KCNH8: variants seen among roughly 807,000 people sequenced by gnomAD.
The protein encoded by KCNH8 is voltage-gated delayed rectifier potassium channel KCNH8.
KCNH8 carries 70 observed loss-of-function variants against 103.6 expected under a neutral mutation model. That is an observed-to-expected ratio of 0.68 (90% CI 0.56 to 0.82). The LOEUF is 0.82. KCNH8 is among the 40% of genes least tolerant of loss of function. The probability of loss-of-function intolerance (pLI) is 0.00; values close to 1 mark genes in which losing one functional copy is unlikely to be tolerated. For synonymous variants in KCNH8, 498 were observed against 489.4 expected (o/e 1.02, Z -0.23); for missense variants, 1,217 against 1,329.9 (o/e 0.92, Z 1.32).
At chr3:19,390,387 CCCTT>C in intron 5 of KCNH8, 90 bp from the exon 6 acceptor site, 1 of 914,316 alleles carries the variant, frequency 1.1e-6, no homozygotes, top group Non-Finnish European at 1.7e-6. Flanking sequence ...CTGCCTGTCT[CCCTT>C]CCTTTCTTCT....
intron 1 of KCNH8, among the ~76,000 whole-genome samples, chr3:19,169,540 C>G (rs115532346): frequency 0.01 from 1,553 of 152,276 alleles, 27 homozygotes; most frequent in African/African-American, 0.035. Flanking sequence ...GCCACCGCGC[C>G]CAGCCTAGCC....
intron 7 of KCNH8, among the ~76,000 whole-genome samples, chr3:19,427,983 T>A (rs2067054588): frequency 6.6e-6 from 1 of 152,164 alleles, no homozygotes; most frequent in South Asian, 2.1e-4. Flanking sequence ...TATCAAAACC[T>A]TGACTAACAA....
intron 11 of KCNH8, among the ~76,000 whole-genome samples, chr3:19,484,185 CTG>C (rs2068153013): frequency 6.6e-6 from 1 of 152,132 alleles, no homozygotes; most frequent in Non-Finnish European, 1.5e-5. Flanking sequence ...ATTTTAAAAA[CTG>C]TGGACATGGG....
chr3:19,328,756 A>T (rs1430947850), intron 3 of KCNH8, among the ~76,000 whole-genome samples: 1 of 152,224 alleles, frequency 6.6e-6, no homozygotes, highest in Admixed American at 6.5e-5. Context: ...TAGAATTTCC[A>T]TAAAAGAAAC....
chr3:19,210,416 A>C (rs560495225), intron 1 of KCNH8, among the ~76,000 whole-genome samples: 9 of 152,268 alleles, frequency 5.9e-5, no homozygotes, highest in Non-Finnish European at 1.2e-4. Context: ...CATAGGACTT[A>C]GTAAGAAAAT....
intron 11 of KCNH8, among the ~76,000 whole-genome samples, chr3:19,487,062 T>C (rs1004759421): frequency 3.9e-5 from 6 of 152,162 alleles, no homozygotes; most frequent in Non-Finnish European, 8.8e-5. Context: ...AAAAGCAAGA[T>C]GCAGCCTAGG....
intron 2 of KCNH8, among the ~76,000 whole-genome samples, chr3:19,260,967 CATATATATATATATAT>C (rs138181171): frequency 7.6e-6 from 1 of 132,158 alleles, no homozygotes; most frequent in African/African-American, 2.7e-5. Context: ...GAATAATATT[CATATATATATATATAT>C]ATATATATAT....
At chr3:19,413,236 A>G (rs2066810612) in intron 7 of KCNH8, among the ~76,000 whole-genome samples, 1 of 151,960 alleles carries the variant, frequency 6.6e-6, no homozygotes, top group African/African-American at 2.4e-5. Flanking sequence ...TTGTAGCAAC[A>G]TGGATGGAGC....
At chr3:19,200,276 G>T (rs1229319185) in intron 1 of KCNH8, among the ~76,000 whole-genome samples, 2 of 151,972 alleles carry the variant, frequency 1.3e-5, no homozygotes, top group African/African-American at 4.8e-5. Flanking sequence ...GGCTGAAAAT[G>T]TATTCAGACC....
intron 3 of KCNH8, among the ~76,000 whole-genome samples, chr3:19,330,178 G>A (rs560388819): frequency 1.3e-5 from 2 of 152,156 alleles, no homozygotes; most frequent in Middle Eastern, 3.4e-3. Context: ...TTGTTCAAGC[G>A]TTCTCAGTCT....
At chr3:19,258,945 C>CTATATATATATATA (rs1165506732) in intron 2 of KCNH8, among the ~76,000 whole-genome samples, 10 of 42,250 alleles carry the variant, frequency 2.4e-4, no homozygotes, top group Non-Finnish European at 2.7e-4. Context: ...CTCTCTCTCT[C>CTATATATATATATA]TCTATATATA....
chr3:19,353,534 C>T (rs2065835057), intron 5 of KCNH8, among the ~76,000 whole-genome samples: 1 of 152,158 alleles, frequency 6.6e-6, no homozygotes, highest in Non-Finnish European at 1.5e-5. Context: ...GCTTATCCAC[C>T]ACGATCAAGT....
chr3:19,440,673 G>T (rs1011680193), intron 8 of KCNH8, among the ~76,000 whole-genome samples: 1 of 152,144 alleles, frequency 6.6e-6, no homozygotes, highest in Non-Finnish European at 1.5e-5. Context: ...TGAGATTTTG[G>T]TTGGGGACAC....
intron 2 of KCNH8, among the ~76,000 whole-genome samples, chr3:19,275,494 C>A (rs1575488098): frequency 6.6e-6 from 1 of 151,902 alleles, no homozygotes; most frequent in Admixed American, 6.6e-5. Flanking sequence ...GGGTATTGAC[C>A]CGACGTAAAT....
intron 11 of KCNH8, among the ~76,000 whole-genome samples, chr3:19,506,779 C>T (rs2068701517): frequency 1.3e-5 from 2 of 152,054 alleles, no homozygotes; most frequent in Admixed American, 1.3e-4. Context: ...GAGTTGCTAC[C>T]AATCAGTATA....
intron 5 of KCNH8, among the ~76,000 whole-genome samples, chr3:19,362,611 G>T (rs897981786): frequency 6.6e-6 from 1 of 152,062 alleles, no homozygotes; most frequent in Non-Finnish European, 1.5e-5. Context: ...TCTTGAGGTG[G>T]CATGTTCAAG....
At chr3:19,383,046 C>T (rs184285247) in intron 5 of KCNH8, among the ~76,000 whole-genome samples, 1 of 152,188 alleles carries the variant, frequency 6.6e-6, no homozygotes, top group East Asian at 1.9e-4. Context: ...TTCCAGGTTA[C>T]CCCTGTTCTC....
At chr3:19,466,740 T>C (rs6809806) in intron 11 of KCNH8, among the ~76,000 whole-genome samples, 109,252 of 147,138 alleles carry the variant, frequency 0.74, 41,579 homozygotes, top group African/African-American at 0.93. Context: ...CTCAGCTTAC[T>C]GAGATCCATC....
intron 1 of KCNH8, among the ~76,000 whole-genome samples, chr3:19,200,839 A>G (rs1349379634): frequency 4.6e-5 from 7 of 152,032 alleles, no homozygotes; most frequent in Non-Finnish European, 8.8e-5. Context: ...TTGCTTTTTT[A>G]TTAATTTTGA....
Sources: gnomAD v4.1 joint callset for allele counts (sites outside exome capture counted in the v4.1 genomes callset) on GRCh38, gnomAD v4.1.1 for gene constraint, MANE v1.5 for transcripts, NCBI Gene and HGNC (gene_info 2026-07-23, HGNC 2026-07-21) for gene names.